SCN11A: variants seen among roughly 807,000 people sequenced by gnomAD.
The protein encoded by SCN11A is sodium channel protein type 11 subunit alpha.
In SCN11A, 122 loss-of-function variants were observed where a neutral mutation model predicts 162.2. The observed-to-expected ratio is 0.75, with a 90% confidence interval of 0.65 to 0.87. The LOEUF is 0.87. Among genes scored for constraint, SCN11A ranks in the 40% least tolerant of loss-of-function variants. The pLI, the probability that SCN11A is intolerant of heterozygous loss-of-function variation, is 0.00. For synonymous variants in SCN11A, 758 were observed against 751.5 expected (o/e 1.01, Z -0.14); for missense variants, 2,015 against 2,181.6 (o/e 0.92, Z 1.52).
At chr3:38,867,217 C>A in intron 27 of SCN11A, 104 bp downstream of exon 27, 2 of 1,119,200 alleles carry the variant, frequency 1.8e-6, no homozygotes, top group Non-Finnish European at 1.3e-6. Context: ...TTGTGCAGAT[C>A]ATAAAGGCTA....
intron 16 of SCN11A, among the ~76,000 whole-genome samples, chr3:38,902,868 AC>A (rs1262465049): frequency 2.0e-5 from 3 of 146,982 alleles, no homozygotes; most frequent in Non-Finnish European, 4.5e-5. Context: ...ATGTAAAAAG[AC>A]ATCACAAAAA....
At chr3:38,957,589 C>A (rs949481439) in intron 3 of SCN11A, among the ~76,000 whole-genome samples, 1 of 152,174 alleles carries the variant, frequency 6.6e-6, no homozygotes, top group Non-Finnish European at 1.5e-5. Context: ...CCCTGCAAGA[C>A]CTTCATGAGC....
intron 23 of SCN11A, among the ~76,000 whole-genome samples, chr3:38,873,937 T>C (rs1175867355): frequency 6.6e-6 from 1 of 152,210 alleles, no homozygotes; most frequent in East Asian, 1.9e-4. Flanking sequence ...GTTTTACGGA[T>C]CCATTCCTCC....
chr3:39,014,866 T>C (rs961341882), intron 2 of SCN11A, among the ~76,000 whole-genome samples: 3 of 152,238 alleles, frequency 2.0e-5, no homozygotes, highest in Non-Finnish European at 4.4e-5. Context: ...ATCAGGTGGC[T>C]GGCTGGTCTC....
At chr3:38,852,014 C>A (rs1300277496) in intron 28 of SCN11A, among the ~76,000 whole-genome samples, 2 of 152,178 alleles carry the variant, frequency 1.3e-5, no homozygotes, top group East Asian at 3.9e-4. Context: ...CTGACCTGAG[C>A]AGGTTGAGTT....
chr3:38,894,704 T>C lies in SCN11A; in HGVS notation c.2664A>G (p.Lys888=). 6.2e-7 allele frequency: 1 copy of C among 1,614,154 alleles called. No individual in the cohort carries two copies. The highest frequency in any genetic ancestry group is 2.2e-5 in the East Asian group (1 of 44,888). Residue 888 remains lysine, a synonymous_variant, in exon 19 of 30, where the codon AAA becomes AAG. Coordinates refer to ENST00000302328, the MANE Select transcript of SCN11A (RefSeq NM_001349253.2). The part of the protein sequence containing the change: ...KDIIPLVMEM[K]RGSETQEELG... The stretch of plus-strand genomic sequence containing the variant: ...GCTCCTCCTGGGTCTCTGAGCCCCT[T>C]TTCATCTCCATGACCAGGGGAATGA...
intron 11 of SCN11A, among the ~76,000 whole-genome samples, chr3:38,917,123 C>T (rs918258507): frequency 6.6e-6 from 1 of 152,214 alleles, no homozygotes; most frequent in Non-Finnish European, 1.5e-5. Context: ...GAGATACCAT[C>T]TCACACCAGT....
intron 1 of SCN11A, among the ~76,000 whole-genome samples, chr3:39,033,106 T>C (rs1021012273): frequency 2.0e-5 from 3 of 150,088 alleles, no homozygotes; most frequent in Non-Finnish European, 4.4e-5. Flanking sequence ...TGAGCTGAGA[T>C]AGCGCCACTG....
At chr3:38,924,195 T>A (rs894189850) in intron 9 of SCN11A, among the ~76,000 whole-genome samples, 1 of 151,296 alleles carries the variant, frequency 6.6e-6, no homozygotes, top group African/African-American at 2.4e-5. Context: ...GAAGCGCATA[T>A]CCTCCCTGTG....
intron 27 of SCN11A, among the ~76,000 whole-genome samples, chr3:38,865,600 A>G (rs1363873019): frequency 6.9e-6 from 1 of 145,818 alleles, no homozygotes; most frequent in Non-Finnish European, 1.5e-5. Flanking sequence ...CCTTTAGTTC[A>G]TAAGTACAAT....
intron 21 of SCN11A, 127 bp from the exon 22 acceptor site, chr3:38,883,514 T>A: frequency 2.5e-6 from 2 of 800,044 alleles, no homozygotes; most frequent in Non-Finnish European, 2.0e-6. Flanking sequence ...ATTAAAGAAG[T>A]AGAGCATCTT....
At chr3:39,048,637 T>C (rs76099423) in intron 1 of SCN11A, among the ~76,000 whole-genome samples, 5,376 of 152,298 alleles carry the variant, frequency 0.035, 305 homozygotes, top group African/African-American at 0.12. Flanking sequence ...CACAAATTTA[T>C]TGATACTTCA....
intron 23 of SCN11A, among the ~76,000 whole-genome samples, chr3:38,873,855 A>T (rs13073816): frequency 0.092 from 14,009 of 152,248 alleles, 887 homozygotes; most frequent in Non-Finnish European, 0.13. Flanking sequence ...TTTTGAAATC[A>T]TCATGTTGAT....
chr3:39,031,180 C>G (rs1001552791), intron 2 of SCN11A, among the ~76,000 whole-genome samples: 1 of 152,166 alleles, frequency 6.6e-6, no homozygotes, highest in Non-Finnish European at 1.5e-5. Context: ...CCATTCAGCA[C>G]CATGACTTCT....
chr3:38,928,413 CT>C (rs1559537947), intron 7 of SCN11A, among the ~76,000 whole-genome samples: 2 of 152,212 alleles, frequency 1.3e-5, no homozygotes, highest in South Asian at 4.2e-4. Context: ...GGACAAATAC[CT>C]AATGCATGTG....
intron 2 of SCN11A, among the ~76,000 whole-genome samples, chr3:39,003,530 C>T (rs555104508): frequency 6.6e-6 from 1 of 152,244 alleles, no homozygotes; most frequent in South Asian, 2.1e-4. Context: ...GATTTATATT[C>T]CTCTGGGTCT....
At chr3:38,921,013 G>A (rs1467636904) in intron 10 of SCN11A, 63 bp downstream of exon 10, 2 of 1,455,346 alleles carry the variant, frequency 1.4e-6, no homozygotes, top group South Asian at 1.2e-5. Flanking sequence ...GGCAGGACAA[G>A]TGAGGATAAG....
At position 38,894,905 on chromosome 3, in the gene SCN11A, T is replaced by A. The variant is rs1159388555; in HGVS notation, c.2463A>T (p.Gly821=). The A allele has an allele frequency of 1.9e-6, 3 of 1,613,976 alleles. No individual in the cohort carries two copies. The Admixed American group carries it at 5.0e-5, about 27-fold the overall frequency. The stretch of plus-strand genomic sequence containing the variant: ...TTTTCCTGGCCTCTCCTTCTAAGTT[T>A]CCATTTCTTTCCTCATTGCTAAAGG... ...LNSFSNEERN[G]NLEGEARKTK... Residue 821 remains glycine (G), a synonymous_variant, in exon 19 of 30, where the codon GGA becomes GGT. Coordinates refer to ENST00000302328, the MANE Select transcript of SCN11A (RefSeq NM_001349253.2).
Position 38,877,854 on chromosome 3 carries a change from C to A in SCN11A, c.3393+2096G>T, listed in dbSNP as rs866384413. ...AATACTACTCAGCCATAAAAAGGAC[C>A]AAAATAGTGGCTTTCACAGCAACCT... is the stretch of plus-strand genomic sequence containing the variant. On this transcript the variant is annotated intron_variant, in intron 23 of 29. Coordinates refer to ENST00000302328, the MANE Select transcript of SCN11A (RefSeq NM_001349253.2). Among the ~76,000 whole-genome samples the A allele has an allele frequency of 5.3e-4, 79 of 150,194 alleles. 1 individual carries two copies. Among genetic ancestry groups the A allele is most frequent in the African/African-American group, 1.9e-3 (78 of 40,824 alleles).
Sources: gnomAD v4.1 joint callset for allele counts (sites outside exome capture counted in the v4.1 genomes callset) on GRCh38, gnomAD v4.1.1 for gene constraint, MANE v1.5 for transcripts, NCBI Gene and HGNC (gene_info 2026-07-23, HGNC 2026-07-21) for gene names.